Variants in FBXO28 observed in about 807,000 individuals in gnomAD.
FBXO28 encodes F-box only protein 28.
A neutral mutation model predicts 38.1 loss-of-function variants in FBXO28; 8 were observed. That is an observed-to-expected ratio of 0.21 (90% CI 0.12 to 0.38). The LOEUF is 0.38. Among genes scored for constraint, FBXO28 ranks in the 10% least tolerant of loss-of-function variants. The probability of loss-of-function intolerance (pLI) is 1.00; values close to 1 mark genes in which losing one functional copy is unlikely to be tolerated. For missense variants in FBXO28, 345 were observed against 460.6 expected (o/e 0.75, Z 2.30); for synonymous variants, 168 against 173.8 (o/e 0.97, Z 0.26).
chr1:224,144,203 C>T (rs1001053275), intron 3 of FBXO28, among the ~76,000 whole-genome samples: 1 of 148,058 alleles, frequency 6.8e-6, no homozygotes. Context: ...GTGGTTCATG[C>T]TTGTAATCCC....
At position 224,153,210 on chromosome 1, in the gene FBXO28, A is replaced by G; in HGVS notation, c.585A>G (p.Glu195=). The G allele has an allele frequency of 4.3e-6, 7 of 1,611,450 alleles. No individual in the cohort carries two copies. Among genetic ancestry groups the G allele is most frequent in the Non-Finnish European group, 5.9e-6 (7 of 1,179,172 alleles). ...CCAGAGCCCCTCAACGAGCTCATGAAGTACTTCAAGAATTAAGGGATATAT... is the reference window on the plus strand; with the variant it reads ...CCAGAGCCCCTCAACGAGCTCATGAGGTACTTCAAGAATTAAGGGATATAT... ...NSTRAPQRAH[E]VLQELRDISS... The change falls in exon 4 of 5, where the codon GAA becomes GAG. Residue 195 remains glutamate (E), a synonymous_variant. Coordinates refer to ENST00000366862, the MANE Select transcript of FBXO28 (RefSeq NM_015176.4).
intron 4 of FBXO28, among the ~76,000 whole-genome samples, chr1:224,155,413 C>G (rs1657750735): frequency 6.6e-6 from 1 of 152,146 alleles, no homozygotes; most frequent in African/African-American, 2.4e-5. Context: ...GATCCACCTG[C>G]CTCGGCCTCC....
chr1:224,146,537 C>G (rs180748933), intron 3 of FBXO28, among the ~76,000 whole-genome samples: 128 of 152,158 alleles, frequency 8.4e-4, no homozygotes, highest in African/African-American at 2.4e-3. Context: ...AAGCGTGGTA[C>G]TTCTACTGTG....
At position 224,159,697 on chromosome 1, in the gene FBXO28, G is replaced by A. The variant is rs1165705994; in HGVS notation, c.*1951G>A. 6.6e-6 allele frequency: 1 copy of A among 151,914 alleles called. No individual in the cohort carries two copies. Among genetic ancestry groups the A allele is most frequent in the African/African-American group, 2.4e-5 (1 of 41,380 alleles). 9.4% of individuals were successfully genotyped at this position (151,914 alleles called of 1,614,324 possible). On this transcript the variant is annotated 3_prime_UTR_variant, in exon 5 of 5. Transcript: ENST00000366862. ...GGGCCTCTACTAGTCTGCTTTTCCG[G>A]TCATAGGAAGACTTTTTTTTTTACG...
chr1:224,153,665 A>G (rs563242353), intron 4 of FBXO28, among the ~76,000 whole-genome samples: 1 of 152,036 alleles, frequency 6.6e-6, no homozygotes, highest in Admixed American at 6.5e-5. Context: ...TCACACCTGT[A>G]ATCCCAGCAC....
At chr1:224,143,996 C>G (rs902139858) in intron 3 of FBXO28, among the ~76,000 whole-genome samples, 1 of 148,942 alleles carries the variant, frequency 6.7e-6, no homozygotes, top group African/African-American at 2.5e-5. Flanking sequence ...ACTAAAAATA[C>G]AAAATTTAGC....
chr1:224,149,348 C>T (rs1492693), intron 3 of FBXO28, among the ~76,000 whole-genome samples: 148,949 of 150,942 alleles, frequency 0.99, 73,517 homozygotes, highest in Middle Eastern at 1. Flanking sequence ...TATAGGCATG[C>T]GCACAGCTAA....
Position 224,158,127 on chromosome 1 carries a change from C to T in FBXO28, c.*381C>T. 9.1e-6 allele frequency: 9 copies of T among 994,068 alleles called. No individual in the cohort carries two copies. The highest frequency in any genetic ancestry group is 9.6e-6 in the Non-Finnish European group (8 of 836,058). 61.6% of individuals were successfully genotyped at this position (994,068 alleles called of 1,614,324 possible). A position where few individuals can be genotyped will look rare whatever the true frequency, so the allele number is the denominator to read the frequency against. ...TTTAATACAGAAAATGTCCTGTTCA[C>T]TTGAAAGAAAAGACCTACTTTTTAA... On this transcript the variant is annotated 3_prime_UTR_variant, in exon 5 of 5. Transcript: ENST00000366862.
At chr1:224,129,961 G>T (rs2102616325) in intron 1 of FBXO28, among the ~76,000 whole-genome samples, 1 of 151,936 alleles carries the variant, frequency 6.6e-6, no homozygotes, top group Non-Finnish European at 1.5e-5. Flanking sequence ...CTGCGCTCCA[G>T]CCTGTGCGAC....
intron 3 of FBXO28, among the ~76,000 whole-genome samples, chr1:224,138,754 T>A (rs532129697): frequency 4.0e-5 from 6 of 151,758 alleles, no homozygotes; most frequent in East Asian, 1.9e-4. Context: ...TTCTTTTTTT[T>A]TATATTTTTA....
Position 224,158,185 on chromosome 1 carries a change from T to G in FBXO28, c.*439T>G, listed in dbSNP as rs1013476047. ...CTATCTTGGTTCTTTTTTTTTTAAGTCATCTTTTTGTTATAAGTGACCTTT... is the reference window on the plus strand; with the variant it reads ...CTATCTTGGTTCTTTTTTTTTTAAGGCATCTTTTTGTTATAAGTGACCTTT... On this transcript the variant is annotated 3_prime_UTR_variant, in exon 5 of 5. Transcript: ENST00000366862. 6.1e-6 allele frequency: 6 copies of G among 987,270 alleles called. No individual in the cohort carries two copies. Among genetic ancestry groups the G allele is most frequent in the Non-Finnish European group, 7.2e-6 (6 of 831,010 alleles). The allele number at this position is 987,270 out of a possible 1,614,324, so 61.2% of individuals were successfully genotyped here.
intron 3 of FBXO28, among the ~76,000 whole-genome samples, chr1:224,145,700 A>G (rs1323864567): frequency 6.6e-6 from 1 of 152,170 alleles, no homozygotes; most frequent in Non-Finnish European, 1.5e-5. Flanking sequence ...ATGCGGGCAG[A>G]TCACCTGAGG....
At chr1:224,132,823 AC>A (rs1280776672) in intron 2 of FBXO28, among the ~76,000 whole-genome samples, 1 of 151,900 alleles carries the variant, frequency 6.6e-6, no homozygotes, top group African/African-American at 2.4e-5. Flanking sequence ...AAAAGAAAAA[AC>A]AATTTGGCTG....
chr1:224,148,579 G>A (rs536983326), intron 3 of FBXO28, among the ~76,000 whole-genome samples: 5 of 151,760 alleles, frequency 3.3e-5, no homozygotes, highest in Non-Finnish European at 5.9e-5. Flanking sequence ...GGAGAATGTC[G>A]TGAACCTGGG....
chr1:224,119,587 C>A (rs1656725620), intron 1 of FBXO28, among the ~76,000 whole-genome samples: 1 of 152,156 alleles, frequency 6.6e-6, no homozygotes, highest in Non-Finnish European at 1.5e-5. Flanking sequence ...GTCAGTAACT[C>A]TGTCCACTGT....
At chr1:224,135,611 C>CAAAAAAAAAAAAAA (rs71168313) in intron 3 of FBXO28, among the ~76,000 whole-genome samples, 22 of 110,734 alleles carry the variant, frequency 2.0e-4, no homozygotes, top group Non-Finnish European at 2.3e-4. Context: ...GACTCTGTCT[C>CAAAAAAAAAAAAAA]AAAAAAAAAA....
rs775374009 is a variant in FBXO28 at position 224,158,852 on chromosome 1, T to G, written c.*1106T>G. ...TTGTACCATGAAAAAGCATTTTGAT[T>G]ATTTCATTTCTGGAGGATGACCTTG... is the stretch of plus-strand genomic sequence containing the variant. On this transcript the variant is annotated 3_prime_UTR_variant, in exon 5 of 5. Coordinates refer to ENST00000366862, the MANE Select transcript of FBXO28 (RefSeq NM_015176.4). 7 of 152,650 alleles carry G rather than the reference T, an allele frequency of 4.6e-5. No homozygotes were observed. Among genetic ancestry groups the G allele is most frequent in the Admixed American group, 1.3e-4 (2 of 15,276 alleles). The allele number at this position is 152,650 out of a possible 1,614,324, so 9.5% of individuals were successfully genotyped here. A position where few individuals can be genotyped will look rare whatever the true frequency, so the allele number is the denominator to read the frequency against.
At chr1:224,149,068 T>C (rs769367295) in intron 3 of FBXO28, among the ~76,000 whole-genome samples, 8 of 152,178 alleles carry the variant, frequency 5.3e-5, no homozygotes, top group Non-Finnish European at 1.2e-4. Context: ...CTAGCCCAAA[T>C]ACACTATAAA....
At chr1:224,143,847 A>T (rs1657430640) in intron 3 of FBXO28, among the ~76,000 whole-genome samples, 1 of 150,570 alleles carries the variant, frequency 6.6e-6, no homozygotes, top group Non-Finnish European at 1.5e-5. Context: ...AAAAAAAAAA[A>T]AAGAAAAATG....
Sources: gnomAD v4.1 joint callset for allele counts (sites outside exome capture counted in the v4.1 genomes callset) on GRCh38, gnomAD v4.1.1 for gene constraint, MANE v1.5 for transcripts, NCBI Gene and HGNC (gene_info 2026-07-23, HGNC 2026-07-21) for gene names.